Variants in TENM3 observed in about 807,000 individuals in gnomAD.
TENM3 encodes the protein teneurin-3.
A neutral mutation model predicts 255.1 loss-of-function variants in TENM3; 63 were observed. That is an observed-to-expected ratio of 0.25 (90% confidence interval 0.20 to 0.30). The LOEUF is 0.30. Among genes scored for constraint, TENM3 ranks in the 10% least tolerant of loss-of-function variants. The probability of loss-of-function intolerance (pLI) is 1.00; values close to 1 mark genes in which losing one functional copy is unlikely to be tolerated. For missense variants in TENM3, 2,929 were observed against 3,461.1 expected, an observed-to-expected ratio of 0.85 and a Z score of 3.86; for synonymous variants, 1,306 against 1,322.3, an observed-to-expected ratio of 0.99 and a Z score of 0.27.
chr4:181,904,033 T>A, the TENM3 span, among the ~76,000 whole-genome samples: 1 of 152,236 alleles, frequency 6.6e-6, no homozygotes. Context: ...ACATCTCCTC[T>A]TGGATGTTCT....
At chr4:181,705,147 C>T in the TENM3 span, among the ~76,000 whole-genome samples, 3 of 152,054 alleles carry the variant, frequency 2.0e-5, no homozygotes, top group Non-Finnish European at 4.4e-5. Flanking sequence ...AATAAATCAA[C>T]ATCAACATAA....
At chr4:182,731,655 TTAAA>T (rs1478490989) in intron 16 of TENM3, among the ~76,000 whole-genome samples, 75 of 151,686 alleles carry the variant, frequency 4.9e-4, no homozygotes, top group African/African-American at 1.7e-3. Context: ...AGTGCTATCT[TTAAA>T]TAATTCTATA....
the TENM3 span, among the ~76,000 whole-genome samples, chr4:181,484,027 T>C: frequency 6.6e-6 from 1 of 152,158 alleles, no homozygotes; most frequent in African/African-American, 2.4e-5. Flanking sequence ...AGGATGAGTG[T>C]CTGCACATTT....
chr4:181,671,727 C>T, the TENM3 span, among the ~76,000 whole-genome samples: 43 of 151,818 alleles, frequency 2.8e-4, no homozygotes, highest in Non-Finnish European at 5.0e-4. Context: ...GCTGGTTATT[C>T]CTAGGAAGCA....
the TENM3 span, among the ~76,000 whole-genome samples, chr4:181,995,910 TC>T: frequency 6.6e-6 from 1 of 152,096 alleles, no homozygotes; most frequent in Non-Finnish European, 1.5e-5. Context: ...GTCCCAGATG[TC>T]TCACTCAGGA....
At chr4:182,308,948 C>T (rs867307885) in intron 1 of TENM3, among the ~76,000 whole-genome samples, 7 of 152,120 alleles carry the variant, frequency 4.6e-5, no homozygotes, top group South Asian at 2.1e-4. Context: ...TGGAATCCTC[C>T]GAGTAAGCAC....
At chr4:181,518,477 G>A in the TENM3 span, among the ~76,000 whole-genome samples, 1 of 152,172 alleles carries the variant, frequency 6.6e-6, no homozygotes, top group Non-Finnish European at 1.5e-5. Flanking sequence ...ACCCAGGCCG[G>A]AGTGCAGTGG....
intron 3 of TENM3, among the ~76,000 whole-genome samples, chr4:182,474,809 A>G (rs1310938972): frequency 6.6e-6 from 1 of 152,088 alleles, no homozygotes; most frequent in African/African-American, 2.4e-5. Context: ...TTTATTTGAT[A>G]TTAATATTGT....
intron 19 of TENM3, among the ~76,000 whole-genome samples, chr4:182,749,623 C>G (rs957814975): frequency 4.6e-5 from 7 of 152,156 alleles, no homozygotes; most frequent in African/African-American, 1.7e-4. Context: ...TTATCACCAC[C>G]TTTACAGGTA....
intron 1 of TENM3, among the ~76,000 whole-genome samples, chr4:182,215,923 T>C (rs1345239213): frequency 6.6e-6 from 1 of 152,274 alleles, no homozygotes; most frequent in East Asian, 1.9e-4. Context: ...CATTACAACA[T>C]GAAAACCTAA....
At chr4:181,690,096 G>A in the TENM3 span, among the ~76,000 whole-genome samples, 38 of 152,166 alleles carry the variant, frequency 2.5e-4, no homozygotes, top group Admixed American at 2.4e-3. Context: ...GAGTCTAGTT[G>A]ATGGGGCTCA....
At chr4:182,318,323 T>C (rs568070948) in intron 1 of TENM3, among the ~76,000 whole-genome samples, 47 of 152,266 alleles carry the variant, frequency 3.1e-4, no homozygotes, top group African/African-American at 1.1e-3. Context: ...ATTGTAATCA[T>C]TGGCATCAAG....
intron 3 of TENM3, among the ~76,000 whole-genome samples, chr4:182,433,148 G>A (rs1411508028): frequency 6.6e-6 from 1 of 152,130 alleles, no homozygotes; most frequent in African/African-American, 2.4e-5. Context: ...AAAATATTTT[G>A]AATCTAACCA....
intron 3 of TENM3, among the ~76,000 whole-genome samples, chr4:182,457,417 C>T (rs959791495): frequency 3.9e-5 from 6 of 152,032 alleles, no homozygotes; most frequent in Admixed American, 2.6e-4. Context: ...ATGATTTCAT[C>T]TCATCTTCAG....
chr4:181,859,332 C>T, the TENM3 span, among the ~76,000 whole-genome samples: 1 of 149,966 alleles, frequency 6.7e-6, no homozygotes, highest in Non-Finnish European at 1.5e-5. Context: ...AAGAAGTGTC[C>T]TTTCTTTATA....
chr4:182,408,689 T>G (rs1166531451), intron 3 of TENM3, among the ~76,000 whole-genome samples: 2 of 152,066 alleles, frequency 1.3e-5, no homozygotes, highest in African/African-American at 4.8e-5. Flanking sequence ...AAATAAAGAG[T>G]CATCCTTTAT....
chr4:182,378,130 C>A (rs1205593616), intron 3 of TENM3, among the ~76,000 whole-genome samples: 1 of 152,158 alleles, frequency 6.6e-6, no homozygotes, highest in Non-Finnish European at 1.5e-5. Flanking sequence ...CCAGTCTGTG[C>A]AGATTTTGTT....
intron 24 of TENM3, among the ~76,000 whole-genome samples, chr4:182,779,039 C>CTTTTTTTTTTTTTTTTTTTTTTT (rs58176239): frequency 1.0e-5 from 1 of 98,096 alleles, no homozygotes; most frequent in Admixed American, 1.0e-4. Flanking sequence ...ACAATGTGTT[C>CTTTTTTTTTTTTTTTTTTTTTTT]TTTTTTTTTT....
intron 24 of TENM3, among the ~76,000 whole-genome samples, chr4:182,777,541 GTATTTC>G (rs1764777547): frequency 9.4e-6 from 1 of 106,410 alleles, no homozygotes; most frequent in African/African-American, 4.1e-5. Context: ...GTGTGTGTGT[GTATTTC>G]TTTTTTTTTT....
Sources: gnomAD v4.1 joint callset for allele counts (sites outside exome capture counted in the v4.1 genomes callset) on GRCh38, gnomAD v4.1.1 for gene constraint, MANE v1.5 for transcripts, NCBI Gene and HGNC (gene_info 2026-07-23, HGNC 2026-07-21) for gene names.